The following MMP3 variants were observed in gnomAD, a reference collection of about 807,000 sequenced individuals.
MMP3 encodes stromelysin-1.
A neutral mutation model predicts 47.3 loss-of-function variants in MMP3; 46 were observed. The observed-to-expected ratio is 0.97, with a 90% confidence interval of 0.77 to 1.24. The LOEUF (loss-of-function observed/expected upper bound fraction) is 1.24. MMP3 is among the 50% of genes most tolerant of loss of function. The pLI is 0.00. For missense variants in MMP3, 558 were observed against 565.5 expected (o/e 0.99, Z 0.13); for synonymous variants, 216 against 206.5 (o/e 1.05, Z -0.39).
At chr11:102,843,111 A>AG (rs1401985969) in intron 1 of MMP3, among the ~76,000 whole-genome samples, 195 bp from the exon 2 acceptor site, 3 of 151,772 alleles carry the variant, frequency 2.0e-5, no homozygotes, top group African/African-American at 7.3e-5. Context: ...ATTAAAAAAA[A>AG]AACTGAAGCT....
chr11:102,840,676 T>A, intron 4 of MMP3, 83 bp from the exon 5 acceptor site: 1 of 1,439,648 alleles, frequency 6.9e-7, no homozygotes, highest in South Asian at 1.3e-5. Flanking sequence ...TGTATTGGTT[T>A]TTACTTCTTG....
rs781910577 is a variant in MMP3, at chr11:102,842,709, C to G, written c.313G>C (p.Gly105Arg). ...TGGGTTTTCCTCCACTTCGGGATGC[C>G]AGGAAAGGTTCTGAAGTGACCAACA... ...PDVGHFRTFP[G>R]IPKWRKTHLT... The change falls in exon 2 of 10, where the codon GGC becomes CGC. Residue 105 changes from glycine to arginine, a missense_variant. Gly to Arg is a moderately radical substitution (Grantham distance 125). Transcript: ENST00000299855. The G allele has an allele frequency of 6.2e-7, 1 of 1,613,888 alleles. No homozygotes were observed.
At position 102,836,395 on chromosome 11, in the gene MMP3, C is replaced by T; in HGVS notation, c.1334-169G>A. On this transcript the variant is annotated intron_variant, in intron 9 of 9. Coordinates refer to ENST00000299855, the MANE Select transcript of MMP3 (RefSeq NM_002422.5). This position sits in a 1 kb window ranked among gnomAD's most constrained non-coding sequence, Gnocchi z 4.6. ...TACATGAATTTATTTTCATTTATTTCTGCAACAACCCTATGAGGTTGTATG... is the reference window on the plus strand; with the variant it reads ...TACATGAATTTATTTTCATTTATTTTTGCAACAACCCTATGAGGTTGTATG... The T allele has an allele frequency of 1.5e-6, 1 of 669,964 alleles. No homozygotes were observed. Among genetic ancestry groups the T allele is most frequent in the Non-Finnish European group, 2.8e-6 (1 of 359,412 alleles). The allele number at this position is 669,964 out of a possible 1,614,324, so 41.5% of individuals were successfully genotyped here. A position where few individuals can be genotyped will look rare whatever the true frequency, so the allele number is the denominator to read the frequency against.
chr11:102,837,454 A>C lies in MMP3; in HGVS notation c.1230-53T>G. On this transcript the variant is annotated intron_variant, in intron 8 of 9. Transcript: ENST00000299855. The surrounding 1 kb of genome is among the most constrained non-coding windows in gnomAD (Gnocchi z 4.4). ...CATTGCATAGAGGCCATGTTACCGA[A>C]CATCTTAGATCATGTTAGGTTTAAT... 7.7e-7 allele frequency: 1 copy of C among 1,293,136 alleles called. No individual in the cohort carries two copies. Among genetic ancestry groups the C allele is most frequent in the South Asian group, 1.2e-5 (1 of 81,068 alleles). The allele number at this position is 1,293,136 out of a possible 1,614,324, so 80.1% of individuals were successfully genotyped here. A position where few individuals can be genotyped will look rare whatever the true frequency, so the allele number is the denominator to read the frequency against.
rs782254329 is a variant in MMP3, at chr11:102,842,916, T to C, written c.106A>G (p.Lys36Glu). 6.3e-7 allele frequency: 1 copy of C among 1,597,600 alleles called. No homozygotes were observed. Among genetic ancestry groups the C allele is most frequent in the Non-Finnish European group, 8.6e-7 (1 of 1,169,408 alleles). The change falls in exon 2 of 10, where the codon AAA (lysine) becomes GAA (glutamate). Residue 36 changes from lysine (K) to glutamate (E), a missense_variant and splice_region_variant. Transcript: ENST00000299855. ...AGGTCGTAGTAGTTTTCTAGATATT[T>C]CTAACAGAATAAGTATAGTTTTTAG... Reference protein sequence around the residue: ...GEDTSMNLVQKYLENYYDLKK... With the variant: ...GEDTSMNLVQEYLENYYDLKK...
At chr11:102,842,083 C>A (rs936893501) in intron 4 of MMP3, 71 bp downstream of exon 4, 2 of 1,394,260 alleles carry the variant, frequency 1.4e-6, no homozygotes, top group Non-Finnish European at 1.9e-6. Context: ...CTTGAGCATT[C>A]TTGGTTATTA....
chr11:102,837,229 C>T lies in MMP3; in HGVS notation c.1333+69G>A. The T allele has an allele frequency of 2.6e-6, 3 of 1,170,712 alleles. No individual in the cohort carries two copies. Among genetic ancestry groups the T allele is most frequent in the South Asian group, 1.3e-5 (1 of 75,412 alleles). 72.5% of individuals were successfully genotyped at this position (1,170,712 alleles called of 1,614,324 possible). On this transcript the variant is annotated intron_variant, in intron 9 of 9. Coordinates refer to ENST00000299855, the MANE Select transcript of MMP3 (RefSeq NM_002422.5). The surrounding 1 kb of genome is among the most constrained non-coding windows in gnomAD (Gnocchi z 4.4). Reference sequence around the variant, plus strand: ...CACTTGTTATTAAAAAGTTTCAATGCTCCTCTTCCCTCTGATATCATAAAA... The same window carrying T: ...CACTTGTTATTAAAAAGTTTCAATGTTCCTCTTCCCTCTGATATCATAAAA...
chr11:102,843,409 C>G, intron 1 of MMP3, 33 bp downstream of exon 1: 1 of 1,520,406 alleles, frequency 6.6e-7, no homozygotes, highest in Non-Finnish European at 9.1e-7. Context: ...TCTGGAAGCT[C>G]CCCACCTGGC....
At chr11:102,843,019 G>A (rs1859038551) in intron 1 of MMP3, 103 bp from the exon 2 acceptor site, 5 of 1,046,680 alleles carry the variant, frequency 4.8e-6, no homozygotes, top group African/African-American at 3.3e-5. Flanking sequence ...TCTATTTGGA[G>A]TATTTCTCTA....
At position 102,838,536 on chromosome 11, in the gene MMP3, T is replaced by G. The variant is rs1287839639; in HGVS notation, c.1229+15A>C. 2.5e-6 allele frequency: 4 copies of G among 1,606,406 alleles called. No individual in the cohort carries two copies. The African/African-American group carries it at 5.4e-5, about 22-fold the overall frequency. On this transcript the variant is annotated intron_variant, in intron 8 of 9. Transcript: ENST00000299855. ...TAATTAGGCTCCATACAAAGTCATTTCTCTTGCATCTCACCTCCAGTATTT... is the reference window on the plus strand; with the variant it reads ...TAATTAGGCTCCATACAAAGTCATTGCTCTTGCATCTCACCTCCAGTATTT...
chr11:102,837,253 A>G lies in MMP3; in HGVS notation c.1333+45T>C. 1 of 1,439,012 alleles carries G rather than the reference A, an allele frequency of 6.9e-7. No individual in the cohort carries two copies. The highest frequency in any genetic ancestry group is 9.8e-7 in the Non-Finnish European group (1 of 1,024,322). The allele number at this position is 1,439,012 out of a possible 1,614,324, so 89.1% of individuals were successfully genotyped here. A position where few individuals can be genotyped will look rare whatever the true frequency, so the allele number is the denominator to read the frequency against. On this transcript the variant is annotated intron_variant, in intron 9 of 9. Coordinates refer to ENST00000299855, the MANE Select transcript of MMP3 (RefSeq NM_002422.5). The surrounding 1 kb of genome is among the most constrained non-coding windows in gnomAD (Gnocchi z 4.4). ...GCTCCTCTTCCCTCTGATATCATAA[A>G]ATGTTTCAAGTGCTCTATGGCCAAC...
Position 102,842,716 on chromosome 11 carries a change from G to C in MMP3, c.306C>G (p.Thr102=), listed in dbSNP as rs41380244. 0.086 allele frequency: 139,095 copies of C among 1,613,822 alleles called. 6,341 individuals are homozygous for C. Among genetic ancestry groups the C allele is most frequent in the Middle Eastern group, 0.13 (790 of 6,062 alleles). Residue 102 remains threonine, a synonymous_variant, in exon 2 of 10, where the codon ACC becomes ACG. Transcript: ENST00000299855. ...CGVPDVGHFR[T]FPGIPKWRKT... ...TCCTCCACTTCGGGATGCCAGGAAA[G>C]GTTCTGAAGTGACCAACATCAGGAA...
Position 102,842,425 on chromosome 11 carries a change from T to TTTTTTTTTTTTC in MMP3, c.499+5_499+6insGAAAAAAAAAAA. The TTTTTTTTTTTTC allele has an allele frequency of 6.5e-7, 1 of 1,534,760 alleles. No individual in the cohort carries two copies. Among genetic ancestry groups the TTTTTTTTTTTTC allele is most frequent in the Non-Finnish European group, 8.7e-7 (1 of 1,150,866 alleles). On this transcript the variant is annotated splice_donor_region_variant and intron_variant, in intron 3 of 9. Transcript: ENST00000299855. ...TTTGCTTTTTTTTTTTTTTTTTTTTTTTTACCTCTAACTGCAAAAGAGATC... is the reference window on the plus strand; with the variant it reads ...TTTGCTTTTTTTTTTTTTTTTTTTTTTTTTTTTTTTTCTTTACCTCTAACTGCAAAAGAGATC...
chr11:102,838,979 C>T (rs1402796456), intron 7 of MMP3, 131 bp downstream of exon 7: 4 of 976,322 alleles, frequency 4.1e-6, no homozygotes, highest in Admixed American at 2.4e-5. Flanking sequence ...GATATCAGCC[C>T]TGGTTATTTC....
chr11:102,841,680 A>G (rs1858999902), intron 4 of MMP3, among the ~76,000 whole-genome samples: 1 of 151,820 alleles, frequency 6.6e-6, no homozygotes, highest in South Asian at 2.1e-4. Flanking sequence ...AAATTCTTTT[A>G]ACCTAAAAGT....
Position 102,837,452 on chromosome 11 carries a change from G to A in MMP3, c.1230-51C>T, listed in dbSNP as rs782419869. ...AGCATTGCATAGAGGCCATGTTACCGAACATCTTAGATCATGTTAGGTTTA... is the reference window on the plus strand; with the variant it reads ...AGCATTGCATAGAGGCCATGTTACCAAACATCTTAGATCATGTTAGGTTTA... On this transcript the variant is annotated intron_variant, in intron 8 of 9. Coordinates refer to ENST00000299855, the MANE Select transcript of MMP3 (RefSeq NM_002422.5). This position sits in a 1 kb window ranked among gnomAD's most constrained non-coding sequence, Gnocchi z 4.4. 2.3e-5 allele frequency: 30 copies of A among 1,281,724 alleles called. No homozygotes were observed. The highest frequency in any genetic ancestry group is 1.6e-4 in the East Asian group (7 of 43,220). The allele number at this position is 1,281,724 out of a possible 1,614,324, so 79.4% of individuals were successfully genotyped here.
Position 102,842,788 on chromosome 11 carries a change from C to G in MMP3, c.234G>C (p.Lys78Asn). ...QKFLGLEVTG[K>N]LDSDTLEVMR... The stretch of plus-strand genomic sequence containing the variant: ...TCACCTCCAGAGTGTCGGAGTCCAG[C>G]TTCCCCGTCACCTCCAATCCAAGGA... Residue 78 changes from lysine to asparagine, a missense_variant, in exon 2 of 10, where the codon AAG becomes AAC. By Grantham distance (94) the Lys-to-Asn change is moderately conservative. Coordinates refer to ENST00000299855, the MANE Select transcript of MMP3 (RefSeq NM_002422.5). 1 of 1,613,944 alleles carries G rather than the reference C, an allele frequency of 6.2e-7. No homozygotes were observed. Among genetic ancestry groups the G allele is most frequent in the Non-Finnish European group, 8.5e-7 (1 of 1,179,960 alleles).
rs782552993 is a variant in MMP3 at position 102,837,608 on chromosome 11, G to A, written c.1230-207C>T. Among the ~76,000 whole-genome samples the A allele has an allele frequency of 1.3e-5, 2 of 152,094 alleles. No individual in the cohort carries two copies. Among genetic ancestry groups the A allele is most frequent in the African/African-American group, 2.4e-5 (1 of 41,426 alleles). On this transcript the variant is annotated intron_variant, in intron 8 of 9. Transcript: ENST00000299855. The surrounding 1 kb of genome is among the most constrained non-coding windows in gnomAD (Gnocchi z 4.4). Reference sequence around the variant, plus strand: ...CATATCTCCATCCGGAACAGGGGCCGCATCCTGCTGTATGTAGCACATGCT... The same window carrying A: ...CATATCTCCATCCGGAACAGGGGCCACATCCTGCTGTATGTAGCACATGCT...
intron 6 of MMP3, among the ~76,000 whole-genome samples, chr11:102,839,533 C>T (rs1858955244): frequency 6.6e-6 from 1 of 152,140 alleles, no homozygotes; most frequent in South Asian, 2.1e-4. Flanking sequence ...GCAATGTATG[C>T]AAAACAGTGC....
Sources: gnomAD v4.1 joint callset for allele counts (sites outside exome capture counted in the v4.1 genomes callset) on GRCh38, gnomAD v4.1.1 for gene constraint, Gnocchi (gnomAD v3.1) non-coding constraint, MANE v1.5 for transcripts, NCBI Gene and HGNC (gene_info 2026-07-23, HGNC 2026-07-21) for gene names.